NEK11: variants seen among roughly 807,000 people sequenced by gnomAD.
NEK11 encodes the protein NIMA related kinase 11, also known as serine/threonine-protein kinase Nek11.
NEK11 carries 72 observed loss-of-function variants against 80.7 expected under a neutral mutation model. That is an observed-to-expected ratio of 0.89 (90% CI 0.74 to 1.08). The LOEUF (loss-of-function observed/expected upper bound fraction) is 1.08, where lower values mean the gene tolerates loss of function less well. Ranked by LOEUF, NEK11 falls within the 50% of genes least tolerant of loss-of-function variation. NEK11 has a pLI of 0.00. For synonymous variants in NEK11, 251 were observed against 260.7 expected (o/e 0.96, Z 0.36); for missense variants, 764 against 763.6 (o/e 1.00, Z -0.01).
chr3:131,290,534 AG>A (rs2096533113), intron 17 of NEK11, among the ~76,000 whole-genome samples: 1 of 152,212 alleles, frequency 6.6e-6, no homozygotes, highest in Admixed American at 6.5e-5. Context: ...TACCCAGGTC[AG>A]GGGTTCTGTC....
chr3:131,098,755 T>A (rs1260020648), intron 4 of NEK11, among the ~76,000 whole-genome samples: 1 of 152,062 alleles, frequency 6.6e-6, no homozygotes, highest in Non-Finnish European at 1.5e-5. Flanking sequence ...TTTGTATTTT[T>A]CATAGAGATG....
At chr3:131,032,232 G>C (rs1180845163) in intron 3 of NEK11, among the ~76,000 whole-genome samples, 1 of 152,192 alleles carries the variant, frequency 6.6e-6, no homozygotes, top group African/African-American at 2.4e-5. Context: ...AAAGTGCTGA[G>C]ATTACAGGCG....
At chr3:131,165,905 C>A (rs62284208) in intron 12 of NEK11, among the ~76,000 whole-genome samples, 31,773 of 152,046 alleles carry the variant, frequency 0.21, 3,619 homozygotes, top group African/African-American at 0.3. Flanking sequence ...GGTTTTTATT[C>A]TTTTCCTTTT....
chr3:131,048,284 A>T (rs1479265392), intron 3 of NEK11, among the ~76,000 whole-genome samples: 1 of 151,884 alleles, frequency 6.6e-6, no homozygotes. Flanking sequence ...TGCACTCCCT[A>T]TTCGCCCCCT....
chr3:131,279,649 G>A (rs1225729099), intron 17 of NEK11, among the ~76,000 whole-genome samples: 1 of 152,096 alleles, frequency 6.6e-6, no homozygotes, highest in Non-Finnish European at 1.5e-5. Flanking sequence ...TCTACTTTCT[G>A]TCCCTATAGT....
At chr3:131,168,786 C>T in intron 12 of NEK11, 44 bp from the exon 13 acceptor site, 2 of 1,462,544 alleles carry the variant, frequency 1.4e-6, no homozygotes, top group East Asian at 4.6e-5. Context: ...TGAAGAAAGA[C>T]TTGGAAAACC....
At chr3:131,061,918 T>A (rs1426733408) in intron 3 of NEK11, among the ~76,000 whole-genome samples, 1 of 152,170 alleles carries the variant, frequency 6.6e-6, no homozygotes, top group Non-Finnish European at 1.5e-5. Flanking sequence ...ATTCTTGATG[T>A]CATCAGCACC....
At chr3:131,195,891 A>C (rs2150328587) in intron 14 of NEK11, among the ~76,000 whole-genome samples, 1 of 149,650 alleles carries the variant, frequency 6.7e-6, no homozygotes, top group Admixed American at 6.7e-5. Context: ...GTCAATTTTG[A>C]TAATTTTTAT....
chr3:131,047,718 A>G (rs1008751043), intron 3 of NEK11, among the ~76,000 whole-genome samples: 1 of 152,110 alleles, frequency 6.6e-6, no homozygotes, highest in African/African-American at 2.4e-5. Flanking sequence ...CCTTGGTTGT[A>G]GTTTTGTTTA....
intron 4 of NEK11, among the ~76,000 whole-genome samples, chr3:131,102,446 A>T (rs1578282229): frequency 6.6e-6 from 1 of 152,108 alleles, no homozygotes; most frequent in Admixed American, 6.6e-5. Context: ...TCTTTGTTTG[A>T]TGAGATATGA....
chr3:131,029,586 C>T, intron 2 of NEK11, 27 bp from the exon 3 acceptor site: 2 of 943,910 alleles, frequency 2.1e-6, no homozygotes, highest in East Asian at 5.0e-5. Context: ...ACCTTTAGAC[C>T]TGATCTTTTA....
At chr3:131,161,149 C>CAAAAAAAAAAAAAAAAAAA in intron 10 of NEK11, among the ~76,000 whole-genome samples, 1 of 115,122 alleles carries the variant, frequency 8.7e-6, no homozygotes, top group Non-Finnish European at 1.7e-5. Flanking sequence ...GACTCCATCT[C>CAAAAAAAAAAAAAAAAAAA]AAAAAAAAAA....
At chr3:131,094,491 A>T (rs1002824492) in intron 4 of NEK11, among the ~76,000 whole-genome samples, 2 of 152,144 alleles carry the variant, frequency 1.3e-5, no homozygotes, top group African/African-American at 4.8e-5. Flanking sequence ...GAACAAGGCA[A>T]TACAGTCAAT....
intron 4 of NEK11, chr3:131,092,834 G>A (rs1049817589): frequency 2.0e-5 from 3 of 152,120 alleles, no homozygotes; most frequent in Non-Finnish European, 2.9e-5. Flanking sequence ...AATATGGAAC[G>A]CTTCATGAAT....
At chr3:131,306,624 T>C (rs1288877125) in intron 17 of NEK11, among the ~76,000 whole-genome samples, 2 of 152,194 alleles carry the variant, frequency 1.3e-5, no homozygotes, top group Non-Finnish European at 2.9e-5. Context: ...ATTAGTAGAT[T>C]AGGCTCTGGT....
intron 3 of NEK11, among the ~76,000 whole-genome samples, chr3:131,056,158 G>A (rs1276309473): frequency 6.6e-6 from 1 of 152,142 alleles, no homozygotes; most frequent in Non-Finnish European, 1.5e-5. Flanking sequence ...TTCACTTTCA[G>A]GTCTCTGGGC....
chr3:131,341,109 CTTAAA>C (rs2097277781), intron 17 of NEK11, among the ~76,000 whole-genome samples: 2 of 152,132 alleles, frequency 1.3e-5, no homozygotes, highest in South Asian at 2.1e-4. Context: ...AGAGAGTCCT[CTTAAA>C]TTGAATTTCT....
At chr3:131,233,772 C>T (rs938092269) in intron 15 of NEK11, among the ~76,000 whole-genome samples, 7 of 152,124 alleles carry the variant, frequency 4.6e-5, no homozygotes, top group African/African-American at 1.4e-4. Context: ...CAATCTAGTC[C>T]CTACGTGCAA....
chr3:131,090,887 C>T (rs768884880), intron 4 of NEK11, among the ~76,000 whole-genome samples: 58 of 152,140 alleles, frequency 3.8e-4, no homozygotes, highest in Admixed American at 6.6e-4. Context: ...ACTCCACGCT[C>T]GCAAGCAGCT....
Sources: gnomAD v4.1 joint callset for allele counts (sites outside exome capture counted in the v4.1 genomes callset) on GRCh38, gnomAD v4.1.1 for gene constraint, MANE v1.5 for transcripts, NCBI Gene and HGNC (gene_info 2026-07-23, HGNC 2026-07-21) for gene names.